PREX2: variants seen among roughly 807,000 people sequenced by gnomAD.
The protein encoded by PREX2 is phosphatidylinositol 3,4,5-trisphosphate-dependent Rac exchanger 2 protein.
PREX2 carries 107 observed loss-of-function variants against 203.2 expected under a neutral mutation model. The observed-to-expected ratio is 0.53, with a 90% CI of 0.45 to 0.62. The LOEUF is 0.62. Among genes scored for constraint, PREX2 ranks in the 20% least tolerant of loss-of-function variants. PREX2 has a pLI of 0.00. For synonymous variants in PREX2, 672 were observed against 663.6 expected, an observed-to-expected ratio of 1.01 and a Z score of -0.19; for missense variants, 1,777 against 1,955.9, an observed-to-expected ratio of 0.91 and a Z score of 1.72.
At chr8:68,052,092 A>C (rs79758147) in intron 8 of PREX2, among the ~76,000 whole-genome samples, 2,117 of 152,246 alleles carry the variant, frequency 0.014, 49 homozygotes, top group African/African-American at 0.049. Flanking sequence ...TCATCTGAGA[A>C]AAAAAAGAAC....
At chr8:68,157,037 G>A (rs1055445670) in intron 34 of PREX2, among the ~76,000 whole-genome samples, 10 of 151,998 alleles carry the variant, frequency 6.6e-5, no homozygotes, top group African/African-American at 2.2e-4. Context: ...ATTTTGGAGC[G>A]GCATATTTTG....
At chr8:67,978,477 C>A (rs1163352269) in intron 1 of PREX2, among the ~76,000 whole-genome samples, 13 of 152,148 alleles carry the variant, frequency 8.5e-5, no homozygotes, top group African/African-American at 2.9e-4. Flanking sequence ...ATTATATAAT[C>A]CATTATATAC....
At chr8:68,118,901 A>G (rs986366875) in intron 27 of PREX2, 1 of 610,498 alleles carries the variant, frequency 1.6e-6, no homozygotes, top group South Asian at 1.4e-5. Context: ...TTATCTCTGT[A>G]TGGTTCTATG....
At chr8:68,178,654 A>T (rs1812028362) in intron 35 of PREX2, among the ~76,000 whole-genome samples, 1 of 152,150 alleles carries the variant, frequency 6.6e-6, no homozygotes, top group African/African-American at 2.4e-5. Flanking sequence ...AAAGTTTTTA[A>T]TATGAGAAAC....
intron 32 of PREX2, among the ~76,000 whole-genome samples, chr8:68,134,935 T>G (rs1811083893): frequency 6.6e-6 from 1 of 152,196 alleles, no homozygotes; most frequent in African/African-American, 2.4e-5. Context: ...GTGGTTTGGA[T>G]AGTTATCATC....
chr8:68,120,997 T>C lies in PREX2; in HGVS notation c.3672T>C (p.Asn1224=). Residue 1224 remains asparagine, a synonymous_variant, in exon 30 of 40, where the codon AAT becomes AAC. Transcript: ENST00000288368. ...LRLHIKQDPW[N]LPSSVRTLAQ... is the part of the protein sequence containing the mutation. Reference sequence around the variant, plus strand: ...TTCATATCAAGCAAGATCCTTGGAATCTTCCCAGCAGCGTCCGGACTCTTG... The same window carrying C: ...TTCATATCAAGCAAGATCCTTGGAACCTTCCCAGCAGCGTCCGGACTCTTG... 4 of 1,613,854 alleles carry C rather than the reference T, an allele frequency of 2.5e-6. No individual in the cohort carries two copies. Among genetic ancestry groups the C allele is most frequent in the Non-Finnish European group, 3.4e-6 (4 of 1,179,790 alleles).
At chr8:68,224,135 T>C (rs1813010823) in intron 38 of PREX2, among the ~76,000 whole-genome samples, 1 of 152,126 alleles carries the variant, frequency 6.6e-6, no homozygotes, top group South Asian at 2.1e-4. Context: ...CCTCCCACTT[T>C]AGCCTTTCGA....
At position 68,097,024 on chromosome 8, in the gene PREX2, T is replaced by C; in HGVS notation, c.2376T>C (p.Ile792=). Residue 792 remains isoleucine, a synonymous_variant, in exon 22 of 40, where the codon ATT becomes ATC. Coordinates refer to ENST00000288368, the MANE Select transcript of PREX2 (RefSeq NM_024870.4). ...DAFDCKVEEV[I]DKFNTMAIID... is the part of the protein sequence containing the mutation. ...CAGTTGTCTTTGTTCCAGAGGTTAT[T>C]GACAAATTCAACACTATGGCCATCA... The C allele has an allele frequency of 6.2e-7, 1 of 1,613,136 alleles. No individual in the cohort carries two copies. The highest frequency in any genetic ancestry group is 1.1e-5 in the South Asian group (1 of 90,996).
At chr8:68,165,534 G>A (rs1228153043) in intron 35 of PREX2, among the ~76,000 whole-genome samples, 1 of 152,006 alleles carries the variant, frequency 6.6e-6, no homozygotes, top group African/African-American at 2.4e-5. Context: ...TGCTCACAGC[G>A]ACTCCAGGAC....
At position 68,191,023 on chromosome 8, in the gene PREX2, C is replaced by A. The variant is rs565993892; in HGVS notation, c.4347-699C>A. 2.0e-5 allele frequency among the ~76,000 whole-genome samples: 3 copies of A among 152,084 alleles called. No individual in the cohort carries two copies. In the East Asian group the frequency reaches 5.8e-4, roughly 29 times the overall value. ...CAAAATGGCATGAAATACTATACAG[C>A]CATAAAATAGAATGAGATCATATCC... On this transcript the variant is annotated intron_variant, in intron 35 of 39. Transcript: ENST00000288368.
intron 33 of PREX2, among the ~76,000 whole-genome samples, chr8:68,139,309 G>A (rs1258617523): frequency 6.6e-6 from 1 of 152,126 alleles, no homozygotes; most frequent in Non-Finnish European, 1.5e-5. Context: ...GGTTGAGGGA[G>A]TAATGGCGAT....
intron 35 of PREX2, among the ~76,000 whole-genome samples, chr8:68,184,973 T>G (rs1489823374): frequency 6.6e-6 from 1 of 152,212 alleles, no homozygotes; most frequent in Non-Finnish European, 1.5e-5. Context: ...TCCTGATTCT[T>G]AAATTAGTAT....
rs915717261 is a variant in PREX2, at chr8:68,083,186, C to T, written c.1879-54C>T. ...TCATATTCCAATTTTGTGAAAAACT[C>T]AAAATTTCTTATTAAAATATACTTT... is the stretch of plus-strand genomic sequence containing the variant. On this transcript the variant is annotated intron_variant, in intron 17 of 39. Transcript: ENST00000288368. The T allele has an allele frequency of 4.9e-5, 69 of 1,397,384 alleles. No individual in the cohort carries two copies. The African/African-American group carries it at 8.7e-4, about 18-fold the overall frequency. 86.6% of individuals were successfully genotyped at this position (1,397,384 alleles called of 1,614,324 possible). A position where few individuals can be genotyped will look rare whatever the true frequency, so the allele number is the denominator to read the frequency against.
intron 1 of PREX2, among the ~76,000 whole-genome samples, chr8:67,970,542 C>G (rs1805898358): frequency 6.6e-6 from 1 of 152,182 alleles, no homozygotes; most frequent in African/African-American, 2.4e-5. Context: ...CCAACAACCT[C>G]CTACAGAGAT....
chr8:68,057,316 T>G (rs1039262450), intron 10 of PREX2, among the ~76,000 whole-genome samples: 1 of 152,168 alleles, frequency 6.6e-6, no homozygotes, highest in Non-Finnish European at 1.5e-5. Flanking sequence ...ACTTCTTTTC[T>G]TTATAAATTA....
intron 20 of PREX2, among the ~76,000 whole-genome samples, chr8:68,093,045 A>T (rs1384831737): frequency 6.6e-6 from 1 of 152,180 alleles, no homozygotes; most frequent in African/African-American, 2.4e-5. Flanking sequence ...CCTATTTAAA[A>T]ACATACATCT....
chr8:68,113,260 C>T (rs1316381776), intron 25 of PREX2, among the ~76,000 whole-genome samples: 4 of 152,144 alleles, frequency 2.6e-5, no homozygotes, highest in African/African-American at 9.7e-5. Flanking sequence ...AAATAAAAAG[C>T]AAATATCTGA....
At chr8:68,146,686 G>A (rs191595627) in intron 34 of PREX2, among the ~76,000 whole-genome samples, 1 of 152,150 alleles carries the variant, frequency 6.6e-6, no homozygotes, top group Admixed American at 6.5e-5. Flanking sequence ...GATAGAAAAA[G>A]TTAATATATG....
intron 1 of PREX2, among the ~76,000 whole-genome samples, chr8:68,001,321 A>G (rs575034746): frequency 3.1e-4 from 47 of 152,334 alleles, no homozygotes; most frequent in African/African-American, 1.1e-3. Context: ...ACATGCATGC[A>G]GTCAACCAGC....
Sources: allele counts gnomAD v4.1 joint callset (sites outside exome capture counted in the v4.1 genomes callset), GRCh38; gene constraint gnomAD v4.1.1; transcripts MANE v1.5; gene names NCBI Gene and HGNC (gene_info 2026-07-23, HGNC 2026-07-21).